PDCD1LG2: variants seen among roughly 807,000 people sequenced by gnomAD.
The protein encoded by PDCD1LG2 is B7 dendritic cell molecule.
In PDCD1LG2, 32 loss-of-function variants were observed where a neutral mutation model predicts 28.2. The observed-to-expected ratio is 1.13, with a 90% CI of 0.86 to 1.52. The LOEUF (loss-of-function observed/expected upper bound fraction) is 1.52, where lower values mean the gene tolerates loss of function less well. Ranked by LOEUF, PDCD1LG2 falls within the 40% of genes most tolerant of loss-of-function variation. The pLI, the probability that PDCD1LG2 is intolerant of heterozygous loss-of-function variation, is 0.00. For synonymous variants in PDCD1LG2, 116 were observed against 120.2 expected (o/e 0.97, Z 0.23); for missense variants, 385 against 323.8 (o/e 1.19, Z -1.45).
At chr9:5,553,562 G>A (rs1816379854) in intron 4 of PDCD1LG2, among the ~76,000 whole-genome samples, 1 of 152,180 alleles carries the variant, frequency 6.6e-6, no homozygotes, top group South Asian at 2.1e-4. Context: ...TTATGTCAGT[G>A]TTCTATTCTG....
chr9:5,518,549 G>A (rs1201840179), intron 1 of PDCD1LG2, among the ~76,000 whole-genome samples: 1 of 152,212 alleles, frequency 6.6e-6, no homozygotes, highest in African/African-American at 2.4e-5. Context: ...TCTGAATAAG[G>A]AAGGCTATCT....
At chr9:5,543,405 G>A (rs2129843127) in intron 3 of PDCD1LG2, among the ~76,000 whole-genome samples, 1 of 152,218 alleles carries the variant, frequency 6.6e-6, no homozygotes, top group Admixed American at 6.5e-5. Flanking sequence ...CGGGCGTGGT[G>A]GCAGGCACCT....
chr9:5,534,457 G>T (rs917374841), intron 2 of PDCD1LG2, among the ~76,000 whole-genome samples: 1 of 152,224 alleles, frequency 6.6e-6, no homozygotes, highest in South Asian at 2.1e-4. Context: ...AGCAAGCAGT[G>T]CTGTCCACCA....
At chr9:5,545,685 G>T (rs1798020473) in intron 3 of PDCD1LG2, among the ~76,000 whole-genome samples, 1 of 152,188 alleles carries the variant, frequency 6.6e-6, no homozygotes, top group African/African-American at 2.4e-5. Context: ...TTACATTTGA[G>T]ATTTCAACTC....
At chr9:5,538,631 T>C (rs900091026) in intron 3 of PDCD1LG2, among the ~76,000 whole-genome samples, 7 of 150,968 alleles carry the variant, frequency 4.6e-5, no homozygotes, top group African/African-American at 1.7e-4. Flanking sequence ...GAGCTTGTAG[T>C]GAGCCGAGAT....
At chr9:5,565,749 T>C (rs1490733713) in intron 6 of PDCD1LG2, among the ~76,000 whole-genome samples, 2 of 152,128 alleles carry the variant, frequency 1.3e-5, no homozygotes, top group Non-Finnish European at 2.9e-5. Context: ...TATTATATAA[T>C]AAATTTAAAA....
chr9:5,562,325 A>T (rs1001936411), intron 5 of PDCD1LG2, among the ~76,000 whole-genome samples: 3 of 152,226 alleles, frequency 2.0e-5, no homozygotes, highest in Admixed American at 6.5e-5. Flanking sequence ...GAATGAGATA[A>T]TGTGTTTTGC....
intron 2 of PDCD1LG2, among the ~76,000 whole-genome samples, chr9:5,531,349 T>C (rs1820480489): frequency 6.6e-6 from 1 of 152,166 alleles, no homozygotes; most frequent in African/African-American, 2.4e-5. Flanking sequence ...TTGTATGGAG[T>C]AATCAAGCTC....
chr9:5,545,110 T>C (rs1341578173), intron 3 of PDCD1LG2, among the ~76,000 whole-genome samples: 1 of 152,236 alleles, frequency 6.6e-6, no homozygotes, highest in East Asian at 1.9e-4. Flanking sequence ...CCTGCAATAA[T>C]TGCTAACACT....
chr9:5,534,677 T>C (rs1820545592), intron 2 of PDCD1LG2, 68 bp from the exon 3 acceptor site: 1 of 1,442,286 alleles, frequency 6.9e-7, no homozygotes. Context: ...GGTCTCAGGT[T>C]ACACTTCGTA....
chr9:5,512,017 C>T (rs1054327574), intron 1 of PDCD1LG2, among the ~76,000 whole-genome samples: 5 of 152,046 alleles, frequency 3.3e-5, no homozygotes, highest in African/African-American at 4.8e-5. Context: ...ATGAAATGTT[C>T]GTGTAATGGA....
chr9:5,566,031 A>G (rs192067085), intron 6 of PDCD1LG2, among the ~76,000 whole-genome samples: 1 of 152,296 alleles, frequency 6.6e-6, no homozygotes, highest in African/African-American at 2.4e-5. Context: ...GGGCTTTGAC[A>G]TTCCCACACC....
intron 3 of PDCD1LG2, among the ~76,000 whole-genome samples, chr9:5,539,370 C>T (rs1820646040): frequency 6.6e-6 from 1 of 152,114 alleles, no homozygotes; most frequent in Admixed American, 6.5e-5. Flanking sequence ...TGAAGTAGGA[C>T]TAGAAGAAGG....
chr9:5,567,661 C>A (rs1218104692), intron 6 of PDCD1LG2, among the ~76,000 whole-genome samples: 1 of 152,100 alleles, frequency 6.6e-6, no homozygotes, highest in Non-Finnish European at 1.5e-5. Context: ...AGTAGCAGAC[C>A]AAAAGAAGTC....
intron 5 of PDCD1LG2, among the ~76,000 whole-genome samples, chr9:5,560,905 G>A (rs935537955): frequency 1.3e-5 from 2 of 152,084 alleles, no homozygotes; most frequent in Admixed American, 1.3e-4. Flanking sequence ...AACAGTTTGG[G>A]GCTCGAGGGT....
chr9:5,568,274 G>C (rs1295829971), intron 6 of PDCD1LG2, among the ~76,000 whole-genome samples: 1 of 152,216 alleles, frequency 6.6e-6, no homozygotes, highest in Non-Finnish European at 1.5e-5. Flanking sequence ...CCAGTGGCCT[G>C]TTAGGAACTG....
intron 5 of PDCD1LG2, among the ~76,000 whole-genome samples, chr9:5,560,971 A>G (rs973900345): frequency 1.3e-5 from 2 of 152,098 alleles, no homozygotes; most frequent in African/African-American, 2.4e-5. Context: ...ATAATGTTAA[A>G]TTCTGCTTCA....
chr9:5,540,586 C>G (rs142010698), intron 3 of PDCD1LG2, among the ~76,000 whole-genome samples: 1 of 152,226 alleles, frequency 6.6e-6, no homozygotes, highest in Admixed American at 6.5e-5. Context: ...ACTATGAACA[C>G]CTTTACACGT....
In PDCD1LG2 at chr9:5,534,866, G is replaced by T. The variant is rs777585082; in HGVS notation, c.177G>T (p.Leu59Phe). The change falls in exon 3 of 7, where the codon TTG becomes TTT. Residue 59 changes from leucine (L) to phenylalanine (F), a missense_variant. Transcript: ENST00000397747. ...HVNLGAITAS[L>F]QKVENDTSPH... ...ACCTTGGAGCAATAACAGCCAGTTTGCAAAAGGTGGAAAATGATACATCCC... is the reference window on the plus strand; with the variant it reads ...ACCTTGGAGCAATAACAGCCAGTTTTCAAAAGGTGGAAAATGATACATCCC... 2.5e-6 allele frequency: 4 copies of T among 1,614,176 alleles called. No homozygotes were observed. The highest frequency in any genetic ancestry group is 1.1e-5 in the South Asian group (1 of 91,080).
Sources: gnomAD v4.1 joint callset for allele counts (sites outside exome capture counted in the v4.1 genomes callset) on GRCh38, gnomAD v4.1.1 for gene constraint, MANE v1.5 for transcripts, NCBI Gene and HGNC (gene_info 2026-07-23, HGNC 2026-07-21) for gene names.